CGGBP1: variants seen among roughly 807,000 people sequenced by gnomAD.
The protein encoded by CGGBP1 is CGG triplet repeat-binding protein 1.
A neutral mutation model predicts 11.4 loss-of-function variants in CGGBP1; 4 were observed. That is an observed-to-expected ratio of 0.35 (90% confidence interval 0.17 to 0.80). CGGBP1 has a LOEUF of 0.80. Among genes scored for constraint, CGGBP1 ranks in the 30% least tolerant of loss-of-function variants. CGGBP1 has a pLI of 0.52. For synonymous variants in CGGBP1, 76 were observed against 74.1 expected (o/e 1.03, Z -0.13); for missense variants, 135 against 202.1 (o/e 0.67, Z 2.01).
intron 2 of CGGBP1, among the ~76,000 whole-genome samples, chr3:88,071,628 T>TC (rs1237150160): frequency 9.7e-6 from 1 of 103,428 alleles, no homozygotes; most frequent in Non-Finnish European, 2.0e-5. Flanking sequence ...AGAGCGAGAC[T>TC]CCATCTCAAA....
intron 2 of CGGBP1, among the ~76,000 whole-genome samples, chr3:88,081,469 GC>G (rs1417113001): frequency 4.6e-5 from 7 of 152,172 alleles, no homozygotes; most frequent in Non-Finnish European, 7.3e-5. Flanking sequence ...TGTGGTGTCT[GC>G]CTAATGGTGC....
upstream of CGGBP1, among the ~76,000 whole-genome samples, chr3:88,062,405 T>G (rs1427292404): frequency 6.6e-6 from 1 of 152,148 alleles, no homozygotes; most frequent in South Asian, 2.1e-4. Flanking sequence ...TTGCAAGTGA[T>G]GTGAAAGGAA....
intron 2 of CGGBP1, among the ~76,000 whole-genome samples, chr3:88,069,504 T>C (rs1707388922): frequency 6.6e-6 from 1 of 152,200 alleles, no homozygotes; most frequent in African/African-American, 2.4e-5. Flanking sequence ...ATAGTAACAA[T>C]GGCTCAGTTA....
intron 2 of CGGBP1, among the ~76,000 whole-genome samples, chr3:88,134,246 G>A (rs1167475150): frequency 6.6e-6 from 1 of 152,038 alleles, no homozygotes. Flanking sequence ...GCACCCTCAT[G>A]ATGGTAATCA....
chr3:88,081,521 G>A (rs1708076261), intron 2 of CGGBP1, among the ~76,000 whole-genome samples: 1 of 152,146 alleles, frequency 6.6e-6, no homozygotes, highest in South Asian at 2.1e-4. Flanking sequence ...GTAAGAAACA[G>A]CTGTCTCATT....
At chr3:88,105,732 C>A (rs1704697759) in intron 2 of CGGBP1, among the ~76,000 whole-genome samples, 1 of 152,096 alleles carries the variant, frequency 6.6e-6, no homozygotes, top group South Asian at 2.1e-4. Flanking sequence ...GAAATGGCAT[C>A]TTGGTATATT....
chr3:88,081,543 T>G (rs1375568459), intron 2 of CGGBP1, among the ~76,000 whole-genome samples: 1 of 152,254 alleles, frequency 6.6e-6, no homozygotes, highest in Non-Finnish European at 1.5e-5. Context: ...CTAACATTTA[T>G]TTAATTATTT....
At chr3:88,147,532 T>C (rs563087344) in intron 1 of CGGBP1, among the ~76,000 whole-genome samples, 37 of 151,812 alleles carry the variant, frequency 2.4e-4, no homozygotes, top group South Asian at 4.2e-4. Context: ...AAAGTCCATA[T>C]AATGGTCTAC....
At chr3:88,102,275 T>C (rs1288594920) in intron 2 of CGGBP1, among the ~76,000 whole-genome samples, 1 of 152,184 alleles carries the variant, frequency 6.6e-6, no homozygotes, top group South Asian at 2.1e-4. Context: ...GAAACCACTA[T>C]TGTGTTTTCT....
intron 2 of CGGBP1, among the ~76,000 whole-genome samples, chr3:88,109,296 C>T (rs1458377555): frequency 3.3e-5 from 5 of 151,962 alleles, no homozygotes; most frequent in Non-Finnish European, 5.9e-5. Flanking sequence ...CAATCAAATG[C>T]TCTTTGTTAC....
intron 2 of CGGBP1, among the ~76,000 whole-genome samples, chr3:88,105,832 G>T (rs1270712273): frequency 6.6e-6 from 1 of 151,930 alleles, no homozygotes; most frequent in Non-Finnish European, 1.5e-5. Flanking sequence ...AACTCATATT[G>T]CAATTTAATT....
chr3:88,113,886 G>A (rs1040089410), intron 2 of CGGBP1, among the ~76,000 whole-genome samples: 5 of 152,120 alleles, frequency 3.3e-5, no homozygotes, highest in African/African-American at 1.2e-4. Context: ...TATTAGGTAC[G>A]TTATATTGAA....
rs59098936 is a variant in CGGBP1, at chr3:88,137,687, C to T, written c.-229+3283G>A. Among the ~76,000 whole-genome samples the T allele has an allele frequency of 3.0e-3, 463 of 152,226 alleles. 3 individuals carry two copies. Among genetic ancestry groups the T allele is most frequent in the African/African-American group, 0.011 (445 of 41,548 alleles). ...GGGGAGAAAAACCTTCAGATTAGAA[C>T]TGATTCTCAAAGAATGAATAGGAGG... is the stretch of plus-strand genomic sequence containing the variant. On this transcript the variant is annotated intron_variant, in intron 2 of 3. Coordinates refer to the CGGBP1 transcript ENST00000462901.
chr3:88,130,444 TTTTTTG>T (rs1288865098), intron 2 of CGGBP1, among the ~76,000 whole-genome samples: 1 of 152,000 alleles, frequency 6.6e-6, no homozygotes, highest in African/African-American at 2.4e-5. Context: ...TTCTTGGTTA[TTTTTTG>T]TTTTTGTTTT....
At chr3:88,059,390 C>G (rs67376749), upstream of CGGBP1, 3 of 1,535,258 alleles carry the variant, frequency 2.0e-6, no homozygotes, top group Non-Finnish European at 8.7e-7. Flanking sequence ...GTGGAGTCCC[C>G]GCTGGGCCCT....
At chr3:88,108,432 A>G (rs997646902) in intron 2 of CGGBP1, among the ~76,000 whole-genome samples, 5 of 152,206 alleles carry the variant, frequency 3.3e-5, no homozygotes, top group African/African-American at 4.8e-5. Context: ...TGTCTGTACA[A>G]TAGTCTCCCC....
intron 2 of CGGBP1, among the ~76,000 whole-genome samples, chr3:88,085,929 C>A (rs1708315426): frequency 6.6e-6 from 1 of 152,010 alleles, no homozygotes; most frequent in Non-Finnish European, 1.5e-5. Flanking sequence ...TTCTACTCTC[C>A]AGCTATTTTA....
At chr3:88,087,270 G>T (rs1708385655) in intron 2 of CGGBP1, among the ~76,000 whole-genome samples, 2 of 151,484 alleles carry the variant, frequency 1.3e-5, no homozygotes, top group African/African-American at 4.9e-5. Flanking sequence ...TAGAGACAGG[G>T]TTTCACCGTG....
upstream of CGGBP1, among the ~76,000 whole-genome samples, chr3:88,060,064 C>T (rs1706772764): frequency 6.6e-6 from 1 of 152,090 alleles, no homozygotes; most frequent in Admixed American, 6.5e-5. Context: ...CGCTGACCCA[C>T]GGTGATTTAG....
Sources: allele counts gnomAD v4.1 joint callset (sites outside exome capture counted in the v4.1 genomes callset), GRCh38; gene constraint gnomAD v4.1.1; transcripts MANE v1.5; gene names NCBI Gene and HGNC (gene_info 2026-07-23, HGNC 2026-07-21).